Variants in ROR1 observed in about 807,000 individuals in gnomAD.
ROR1 encodes ROR family WNT receptor 1.
ROR1 carries 19 observed loss-of-function variants against 78.8 expected under a neutral mutation model. That is an observed-to-expected ratio of 0.24 (90% CI 0.17 to 0.35). ROR1 has a LOEUF of 0.35. ROR1 is among the 10% of genes least tolerant of loss of function. The pLI is 1.00. For missense variants in ROR1, 917 were observed against 1,177.8 expected (o/e 0.78, Z 3.24); for synonymous variants, 386 against 433.6 (o/e 0.89, Z 1.36).
chr1:64,006,307 C>T (rs1443634162), intron 1 of ROR1, among the ~76,000 whole-genome samples: 1 of 152,152 alleles, frequency 6.6e-6, no homozygotes, highest in Non-Finnish European at 1.5e-5. Flanking sequence ...CTTCTATTCC[C>T]AAGCTCCCTG....
chr1:63,843,464 C>A, intron 1 of ROR1: 1 of 757,622 alleles, frequency 1.3e-6, no homozygotes. Flanking sequence ...CCTTATCTGG[C>A]AGCATCCTGA....
intron 8 of ROR1, among the ~76,000 whole-genome samples, chr1:64,165,077 G>A (rs1650048833): frequency 6.6e-6 from 1 of 152,142 alleles, no homozygotes; most frequent in Non-Finnish European, 1.5e-5. Context: ...ATGTGCATGT[G>A]TCCTTATAAT....
intron 2 of ROR1, among the ~76,000 whole-genome samples, chr1:64,038,667 C>T (rs1225841034): frequency 2.0e-5 from 3 of 152,178 alleles, no homozygotes; most frequent in Admixed American, 6.5e-5. Context: ...CACACTTTAT[C>T]ATGATTATCT....
At position 64,137,425 on chromosome 1, in the gene ROR1, G is replaced by T; in HGVS notation, c.539G>T (p.Arg180Ile). The change falls in exon 5 of 9, where the codon AGA becomes ATA. Residue 180 changes from arginine to isoleucine, a missense_variant. This residue lies in a region of ROR1 where 835 missense variants were observed against 1,069.8 expected (regional missense o/e 0.78). Transcript: ENST00000371079. ...CQPYRGIACA[R>I]FIGNRTVYME... ...CCATACAGAGGGATTGCATGTGCAA[G>T]ATTTATTGGCAACCGCACCGTCTAT... The T allele has an allele frequency of 1.2e-6, 2 of 1,614,044 alleles. No homozygotes were observed. The highest frequency in any genetic ancestry group is 1.7e-4 in the Middle Eastern group (1 of 6,058).
In ROR1 at chr1:64,177,604, A is replaced by G. The variant is rs1650420469; in HGVS notation, c.1563A>G (p.Gln521=). The change falls in exon 9 of 9, where the codon CAA becomes CAG. Residue 521 remains glutamine (Q), a synonymous_variant. Coordinates refer to ENST00000371079, the MANE Select transcript of ROR1 (RefSeq NM_005012.4). ...ACCCCCAGCAATGGACGGAATTTCAACAAGAAGCCTCCCTAATGGCAGAAC... is the reference window on the plus strand; with the variant it reads ...ACCCCCAGCAATGGACGGAATTTCAGCAAGAAGCCTCCCTAATGGCAGAAC... ...YNNPQQWTEF[Q]QEASLMAELH... is the part of the protein sequence containing the mutation. 6.2e-7 allele frequency: 1 copy of G among 1,614,174 alleles called. No individual in the cohort carries two copies. The highest frequency in any genetic ancestry group is 8.5e-7 in the Non-Finnish European group (1 of 1,180,040).
intron 1 of ROR1, among the ~76,000 whole-genome samples, chr1:63,918,355 T>A (rs1645626362): frequency 1.3e-5 from 2 of 152,164 alleles, no homozygotes; most frequent in South Asian, 4.1e-4. Context: ...ACCACTATGA[T>A]CTCCACCTTA....
chr1:64,103,223 G>A (rs1254237883), intron 4 of ROR1, among the ~76,000 whole-genome samples: 2 of 152,076 alleles, frequency 1.3e-5, no homozygotes, highest in Non-Finnish European at 2.9e-5. Flanking sequence ...CTTTAAAGTA[G>A]TATTTTCCAA....
intron 1 of ROR1, among the ~76,000 whole-genome samples, chr1:63,805,319 C>T (rs1433068001): frequency 6.6e-6 from 1 of 152,198 alleles, no homozygotes; most frequent in East Asian, 1.9e-4. Context: ...AGGTCAGCCA[C>T]TGGCTCAGTG....
At chr1:64,144,454 G>T (rs567549823) in intron 7 of ROR1, among the ~76,000 whole-genome samples, 64 of 152,200 alleles carry the variant, frequency 4.2e-4, no homozygotes, top group Non-Finnish European at 8.1e-4. Context: ...GGAAATGTCA[G>T]TGCAAGACAA....
At chr1:63,951,419 G>T (rs142067600) in intron 1 of ROR1, among the ~76,000 whole-genome samples, 1 of 152,268 alleles carries the variant, frequency 6.6e-6, no homozygotes, top group Non-Finnish European at 1.5e-5. Context: ...TACAGATCAT[G>T]TCAGTCAATG....
chr1:64,119,376 C>T (rs865775095), intron 4 of ROR1, among the ~76,000 whole-genome samples: 12 of 152,182 alleles, frequency 7.9e-5, no homozygotes, highest in South Asian at 2.1e-4. Flanking sequence ...TACAGTGGCT[C>T]ATGCCTGTAA....
intron 1 of ROR1, among the ~76,000 whole-genome samples, chr1:63,949,967 A>C (rs947814338): frequency 2.0e-5 from 3 of 152,084 alleles, no homozygotes; most frequent in African/African-American, 7.2e-5. Flanking sequence ...TCGTTTTGTA[A>C]GTATCTTGAA....
chr1:64,166,789 C>A (rs1020222108), intron 8 of ROR1, among the ~76,000 whole-genome samples: 1 of 152,160 alleles, frequency 6.6e-6, no homozygotes, highest in African/African-American at 2.4e-5. Flanking sequence ...ACACCCTGCT[C>A]ACATCCTGGA....
chr1:63,779,449 G>A lies in ROR1; in HGVS notation c.91+4941G>A, dbSNP rs1021563928. 9.2e-5 allele frequency among the ~76,000 whole-genome samples: 14 copies of A among 151,978 alleles called. 1 individual carries two copies. The highest frequency in any genetic ancestry group is 2.1e-4 in the Non-Finnish European group (14 of 68,016). The stretch of plus-strand genomic sequence containing the variant: ...TAGCCTGGCTTCACCCATTCCCTGG[G>A]GTGTGACGGGAGAGACTGTTCGGTA... On this transcript the variant is annotated intron_variant, in intron 1 of 8. Transcript: ENST00000371079.
chr1:64,128,434 A>C (rs1399097848), intron 4 of ROR1, among the ~76,000 whole-genome samples: 2 of 152,090 alleles, frequency 1.3e-5, no homozygotes, highest in Non-Finnish European at 2.9e-5. Flanking sequence ...TCACCACCGC[A>C]CTCCAGCCTA....
intron 4 of ROR1, among the ~76,000 whole-genome samples, chr1:64,089,000 TA>T (rs761748452): frequency 3.0e-4 from 46 of 152,070 alleles, no homozygotes; most frequent in Non-Finnish European, 6.0e-4. Flanking sequence ...GAATTTTTTT[TA>T]CTATACTTTA....
chr1:64,046,086 A>C (rs1646780527), intron 2 of ROR1, among the ~76,000 whole-genome samples: 1 of 152,202 alleles, frequency 6.6e-6, no homozygotes, highest in Non-Finnish European at 1.5e-5. Context: ...GCTGCCTGTC[A>C]TCCAGTTGTT....
At chr1:63,782,597 A>T (rs1335518857) in intron 1 of ROR1, among the ~76,000 whole-genome samples, 2 of 150,846 alleles carry the variant, frequency 1.3e-5, no homozygotes, top group African/African-American at 4.9e-5. Context: ...ACCTTAACTA[A>T]CATGAGGTTG....
chr1:63,806,391 C>A (rs1644829270), intron 1 of ROR1, among the ~76,000 whole-genome samples: 4 of 151,742 alleles, frequency 2.6e-5, no homozygotes, highest in Admixed American at 2.0e-4. Context: ...AATCCCAGCC[C>A]ACTGCAAGCT....
Sources: gnomAD v4.1 joint callset for allele counts (sites outside exome capture counted in the v4.1 genomes callset) on GRCh38, gnomAD v4.1.1 for gene constraint, gnomAD v4.1.1 regional missense constraint, MANE v1.5 for transcripts, NCBI Gene and HGNC (gene_info 2026-07-23, HGNC 2026-07-21) for gene names.